FAM13A: variants seen among roughly 807,000 people sequenced by gnomAD.
FAM13A encodes the protein family with sequence similarity 13 member A.
Under a neutral mutation model 129.6 loss-of-function variants are expected in FAM13A, and 76 were observed. The observed-to-expected ratio is 0.59, with a 90% CI of 0.49 to 0.71. The LOEUF (loss-of-function observed/expected upper bound fraction) is 0.71. Ranked by LOEUF, FAM13A falls within the 30% of genes least tolerant of loss-of-function variation. The probability of loss-of-function intolerance (pLI) is 0.00; values close to 1 mark genes in which losing one functional copy is unlikely to be tolerated. For synonymous variants in FAM13A, 443 were observed against 449.9 expected (o/e 0.98, Z 0.20); for missense variants, 1,108 against 1,249.3 (o/e 0.89, Z 1.70).
chr4:88,749,302 A>G (rs1742046438), intron 16 of FAM13A, among the ~76,000 whole-genome samples: 1 of 152,130 alleles, frequency 6.6e-6, no homozygotes. Flanking sequence ...CCCCCTTGCC[A>G]TTATTTGTAG....
chr4:89,044,460 C>A (rs1014086457), intron 1 of FAM13A, among the ~76,000 whole-genome samples: 5 of 152,072 alleles, frequency 3.3e-5, no homozygotes, highest in African/African-American at 1.2e-4. Flanking sequence ...AAAGTTGTAA[C>A]CCCTGTGCAT....
chr4:88,952,116 C>T lies in FAM13A; in HGVS notation c.606-13875G>A, dbSNP rs560026965. 3.9e-5 allele frequency among the ~76,000 whole-genome samples: 6 copies of T among 152,160 alleles called. No individual in the cohort carries two copies. In the East Asian group the frequency reaches 9.7e-4, roughly 24 times the overall value. ...GTATTAGAATAAATAGCATATATGACACCTTTCCTCTCTAATGGTAATATT... is the reference window on the plus strand; with the variant it reads ...GTATTAGAATAAATAGCATATATGATACCTTTCCTCTCTAATGGTAATATT... On this transcript the variant is annotated intron_variant, in intron 4 of 23. Transcript: ENST00000264344.
At chr4:88,784,685 A>T (rs918006513) in intron 10 of FAM13A, among the ~76,000 whole-genome samples, 1 of 152,182 alleles carries the variant, frequency 6.6e-6, no homozygotes, top group Non-Finnish European at 1.5e-5. Flanking sequence ...TCAATTTTCC[A>T]GTTCACTGTG....
At chr4:88,799,221 G>A (rs1726900804) in intron 8 of FAM13A, among the ~76,000 whole-genome samples, 1 of 152,212 alleles carries the variant, frequency 6.6e-6, no homozygotes, top group Non-Finnish European at 1.5e-5. Context: ...GTCTGGTTCT[G>A]TGTAGGCACC....
chr4:88,749,072 G>C (rs894074017), intron 16 of FAM13A, 39 bp from the exon 17 acceptor site: 4 of 1,428,654 alleles, frequency 2.8e-6, no homozygotes, highest in Admixed American at 1.7e-5. Flanking sequence ...TTTGGAACTG[G>C]AGCAGGGAAA....
intron 4 of FAM13A, among the ~76,000 whole-genome samples, chr4:88,948,814 T>G (rs1756409603): frequency 6.6e-6 from 1 of 152,158 alleles, no homozygotes; most frequent in South Asian, 2.1e-4. Context: ...ATCTTAATTG[T>G]GGTAGTGGTT....
intron 6 of FAM13A, among the ~76,000 whole-genome samples, chr4:88,905,027 C>T (rs190450550): frequency 1.6e-3 from 237 of 152,180 alleles, no homozygotes; most frequent in Middle Eastern, 3.4e-3. Flanking sequence ...TTTTACTTTA[C>T]GCCCAGAAGG....
At chr4:88,878,168 T>C (rs1742903831) in intron 6 of FAM13A, among the ~76,000 whole-genome samples, 1 of 151,542 alleles carries the variant, frequency 6.6e-6, no homozygotes, top group African/African-American at 2.4e-5. Flanking sequence ...CGGGTGCCTG[T>C]AGTCCCAGCT....
chr4:88,924,875 C>G (rs567609809), intron 5 of FAM13A, among the ~76,000 whole-genome samples: 1 of 151,496 alleles, frequency 6.6e-6, no homozygotes, highest in African/African-American at 2.4e-5. Context: ...ACAAACAACC[C>G]CATCAAAAAG....
intron 4 of FAM13A, among the ~76,000 whole-genome samples, chr4:88,960,895 G>C (rs1256818423): frequency 2.0e-5 from 3 of 152,086 alleles, no homozygotes; most frequent in African/African-American, 7.2e-5. Context: ...TCCAGTGAGA[G>C]GAAAATTCAT....
intron 6 of FAM13A, among the ~76,000 whole-genome samples, chr4:88,904,206 T>C (rs1282861813): frequency 6.6e-6 from 1 of 152,180 alleles, no homozygotes; most frequent in Non-Finnish European, 1.5e-5. Flanking sequence ...GCAGAGAATA[T>C]GGTGATTCTG....
intron 4 of FAM13A, among the ~76,000 whole-genome samples, chr4:88,965,057 A>G (rs1759167200): frequency 1.3e-5 from 2 of 152,220 alleles, no homozygotes; most frequent in Admixed American, 6.5e-5. Context: ...ACAACTCTAC[A>G]TCTTTTACGT....
intron 19 of FAM13A, among the ~76,000 whole-genome samples, chr4:88,746,285 G>A (rs1417004285): frequency 6.6e-6 from 1 of 152,140 alleles, no homozygotes. Context: ...AGTTCTTCAG[G>A]GAAGAGAGCA....
intron 6 of FAM13A, among the ~76,000 whole-genome samples, chr4:88,894,231 T>C (rs987356631): frequency 6.6e-6 from 1 of 152,212 alleles, no homozygotes; most frequent in Non-Finnish European, 1.5e-5. Context: ...ATGAGTCACA[T>C]GAAAATTATT....
chr4:88,820,680 G>A (rs1731723308), intron 7 of FAM13A, among the ~76,000 whole-genome samples: 2 of 152,088 alleles, frequency 1.3e-5, no homozygotes, highest in Non-Finnish European at 2.9e-5. Context: ...CTCTACGAGT[G>A]GACCATCTGC....
intron 8 of FAM13A, among the ~76,000 whole-genome samples, chr4:88,797,554 TG>T (rs1250060209): frequency 6.6e-6 from 1 of 152,176 alleles, no homozygotes; most frequent in African/African-American, 2.4e-5. Context: ...AGAGAACTAC[TG>T]TGTCCAGCCT....
chr4:88,823,459 G>T, intron 7 of FAM13A: 1 of 354,756 alleles, frequency 2.8e-6, no homozygotes, highest in Non-Finnish European at 4.0e-6. Context: ...TTTCCTCTGA[G>T]CAGTTCCACA....
rs1561190920 is a variant in FAM13A, at chr4:88,862,633, T to C, written c.844-11450A>G. On this transcript the variant is annotated intron_variant, in intron 6 of 23. Coordinates refer to ENST00000264344, the MANE Select transcript of FAM13A (RefSeq NM_014883.4). ...ATAAAATATAAGGCCCTGGATTACATACATACCTTTCATCTTCTAACTTTG... is the reference window on the plus strand; with the variant it reads ...ATAAAATATAAGGCCCTGGATTACACACATACCTTTCATCTTCTAACTTTG... Among the ~76,000 whole-genome samples the C allele has an allele frequency of 2.0e-5, 3 of 152,210 alleles. No homozygotes were observed. The South Asian group carries it at 6.2e-4, about 32-fold the overall frequency.
chr4:88,733,651 C>G (rs948755153), intron 21 of FAM13A, among the ~76,000 whole-genome samples: 1 of 152,214 alleles, frequency 6.6e-6, no homozygotes, highest in African/African-American at 2.4e-5. Flanking sequence ...ATCTGACCAA[C>G]TCAGTGAAGG....
Sources: allele counts gnomAD v4.1 joint callset (sites outside exome capture counted in the v4.1 genomes callset), GRCh38; gene constraint gnomAD v4.1.1; transcripts MANE v1.5; gene names NCBI Gene and HGNC (gene_info 2026-07-23, HGNC 2026-07-21).